EGFLAM: variants seen among roughly 807,000 people sequenced by gnomAD.
EGFLAM encodes the protein EGF like, fibronectin type III and laminin G domains, also known as pikachurin.
A neutral mutation model predicts 113.1 loss-of-function variants in EGFLAM; 79 were observed. The ratio of observed to expected loss-of-function variants is 0.70; its 90% CI spans 0.58 to 0.84. The LOEUF (loss-of-function observed/expected upper bound fraction) is 0.84, where lower values mean the gene tolerates loss of function less well. Ranked by LOEUF, EGFLAM falls within the 40% of genes least tolerant of loss-of-function variation. The pLI, the probability that EGFLAM is intolerant of heterozygous loss-of-function variation, is 0.00. For synonymous variants in EGFLAM, 504 were observed against 487.6 expected, an observed-to-expected ratio of 1.03 and a Z score of -0.44; for missense variants, 1,265 against 1,291.6, an observed-to-expected ratio of 0.98 and a Z score of 0.32.
intron 6 of EGFLAM, among the ~76,000 whole-genome samples, chr5:38,397,210 C>T (rs1444704874): frequency 6.6e-6 from 1 of 152,182 alleles, no homozygotes; most frequent in African/African-American, 2.4e-5. Context: ...AGCTACTTTT[C>T]CCCACCAGTC....
intron 5 of EGFLAM, among the ~76,000 whole-genome samples, chr5:38,357,583 T>A (rs1280365441): frequency 6.6e-6 from 1 of 152,128 alleles, no homozygotes; most frequent in Non-Finnish European, 1.5e-5. Flanking sequence ...ACGTGACAGG[T>A]TTCTGTGTGA....
At position 38,427,219 on chromosome 5, in the gene EGFLAM, G is replaced by A. The variant is rs144065923; in HGVS notation, c.2021G>A (p.Arg674His). The change falls in exon 14 of 22, where the codon CGC becomes CAC. Residue 674 changes from arginine (R) to histidine (H), a missense_variant. By Grantham distance (29) the Arg-to-His change is conservative (BLOSUM62 0). Coordinates refer to ENST00000322350, the MANE Select transcript of EGFLAM (RefSeq NM_152403.4). ...TTGGCAGGGGGCCACGTGGAGTTCC[G>A]CTTTGACTGTGGCTCTGGGACCGGT... is the stretch of plus-strand genomic sequence containing the variant. ...INLAGGHVEF[R>H]FDCGSGTGVL... The A allele has an allele frequency of 1.5e-4, 248 of 1,614,110 alleles. No homozygotes were observed. The African/African-American group carries it at 2.5e-3, about 16-fold the overall frequency.
At chr5:38,372,600 T>TAA (rs1740253426) in intron 6 of EGFLAM, among the ~76,000 whole-genome samples, 1 of 152,244 alleles carries the variant, frequency 6.6e-6, no homozygotes, top group South Asian at 2.1e-4. Context: ...GATTTTATTA[T>TAA]AATTGGCCTG....
intron 1 of EGFLAM, among the ~76,000 whole-genome samples, chr5:38,305,190 G>A (rs986869132): frequency 1.3e-5 from 2 of 151,968 alleles, no homozygotes; most frequent in Non-Finnish European, 2.9e-5. Flanking sequence ...ATAGACCAAA[G>A]CCAGGAAATG....
At chr5:38,326,389 A>G (rs1738880951) in intron 1 of EGFLAM, among the ~76,000 whole-genome samples, 1 of 152,152 alleles carries the variant, frequency 6.6e-6, no homozygotes, top group Non-Finnish European at 1.5e-5. Flanking sequence ...CTTTATAATC[A>G]GGTCCTCCCT....
chr5:38,276,264 T>C (rs1019353351), intron 1 of EGFLAM, among the ~76,000 whole-genome samples: 2 of 152,072 alleles, frequency 1.3e-5, no homozygotes, highest in Admixed American at 6.6e-5. Context: ...GATTCAATTA[T>C]CTCCCACTGG....
chr5:38,423,302 C>T (rs1282544228), intron 12 of EGFLAM, among the ~76,000 whole-genome samples: 1 of 152,064 alleles, frequency 6.6e-6, no homozygotes, highest in East Asian at 1.9e-4. Context: ...CTGTTCACTC[C>T]CTATAGGAGT....
chr5:38,290,122 G>A (rs1758276124), intron 1 of EGFLAM, among the ~76,000 whole-genome samples: 1 of 152,144 alleles, frequency 6.6e-6, no homozygotes, highest in Non-Finnish European at 1.5e-5. Flanking sequence ...TGGGTGCCAG[G>A]AAGCCCAAGG....
intron 18 of EGFLAM, among the ~76,000 whole-genome samples, chr5:38,449,491 A>T (rs1039394732): frequency 1.4e-4 from 21 of 152,198 alleles, no homozygotes; most frequent in Non-Finnish European, 5.9e-5. Context: ...ATGGAAGGTC[A>T]TTCAGTCCCT....
At chr5:38,385,289 CCG>C (rs1740631330) in intron 6 of EGFLAM, among the ~76,000 whole-genome samples, 6 of 117,148 alleles carry the variant, frequency 5.1e-5, no homozygotes, top group African/African-American at 1.5e-4. Context: ...CCCCCCCCCC[CCG>C]CCCCCGCCAC....
At chr5:38,273,617 G>T (rs1217415549) in intron 1 of EGFLAM, among the ~76,000 whole-genome samples, 1 of 152,236 alleles carries the variant, frequency 6.6e-6, no homozygotes, top group African/African-American at 2.4e-5. Flanking sequence ...GGCTGTGACA[G>T]ACCTGGGCTT....
chr5:38,308,909 T>C (rs1183982855), intron 1 of EGFLAM, among the ~76,000 whole-genome samples: 1 of 152,188 alleles, frequency 6.6e-6, no homozygotes. Context: ...CAACAATATG[T>C]GGGCTCTGAC....
chr5:38,330,558 A>G (rs949430813), intron 1 of EGFLAM, among the ~76,000 whole-genome samples: 6 of 152,160 alleles, frequency 3.9e-5, no homozygotes, highest in Admixed American at 2.6e-4. Context: ...ACCAATTTCC[A>G]TAACCCCATC....
intron 2 of EGFLAM, among the ~76,000 whole-genome samples, chr5:38,338,275 C>T (rs958791514): frequency 6.6e-6 from 1 of 152,126 alleles, no homozygotes. Context: ...CGGTACCACC[C>T]CAATCCCACC....
chr5:38,284,932 C>T (rs1758117776), intron 1 of EGFLAM, among the ~76,000 whole-genome samples: 1 of 152,098 alleles, frequency 6.6e-6, no homozygotes, highest in South Asian at 2.1e-4. Context: ...GATCCATACC[C>T]CATTCTGCTC....
chr5:38,367,189 T>G (rs936505407), intron 5 of EGFLAM, among the ~76,000 whole-genome samples: 3 of 151,938 alleles, frequency 2.0e-5, no homozygotes, highest in Non-Finnish European at 4.4e-5. Context: ...ATTTTGTCAC[T>G]AGGCTGGAGT....
At chr5:38,396,121 A>T (rs1740956044) in intron 6 of EGFLAM, among the ~76,000 whole-genome samples, 1 of 150,676 alleles carries the variant, frequency 6.6e-6, no homozygotes, top group African/African-American at 2.5e-5. Flanking sequence ...CCAACTACTC[A>T]TATGAAAACA....
At chr5:38,306,800 T>A (rs1312158099) in intron 1 of EGFLAM, among the ~76,000 whole-genome samples, 3 of 152,182 alleles carry the variant, frequency 2.0e-5, no homozygotes, top group African/African-American at 7.2e-5. Context: ...TGATATTTAG[T>A]CAATTTCAGG....
At chr5:38,337,465 T>C in intron 1 of EGFLAM, 55 bp from the exon 2 acceptor site, 4 of 1,453,780 alleles carry the variant, frequency 2.8e-6, no homozygotes, top group Non-Finnish European at 3.7e-6. Context: ...TGTGTAAGTA[T>C]ACTCAAGGTG....
Sources: gnomAD v4.1 joint callset for allele counts (sites outside exome capture counted in the v4.1 genomes callset) on GRCh38, gnomAD v4.1.1 for gene constraint, MANE v1.5 for transcripts, NCBI Gene and HGNC (gene_info 2026-07-23, HGNC 2026-07-21) for gene names.